Variants in SYNDIG1 observed in about 807,000 individuals in gnomAD.
SYNDIG1 encodes synapse differentiation inducing 1.
In SYNDIG1, 9 loss-of-function variants were observed where a neutral mutation model predicts 19.4. The ratio of observed to expected loss-of-function variants is 0.46; its 90% CI spans 0.28 to 0.81. SYNDIG1 has a LOEUF of 0.81. SYNDIG1 is among the 30% of genes least tolerant of loss of function. SYNDIG1 has a pLI of 0.12. For synonymous variants in SYNDIG1, 141 were observed against 145.9 expected, an observed-to-expected ratio of 0.97 and a Z score of 0.24; for missense variants, 311 against 343.3, an observed-to-expected ratio of 0.91 and a Z score of 0.74.
rs374994348 is a variant in SYNDIG1 at position 24,590,984 on chromosome 20, C to G, written c.618+5991C>G. Among the ~76,000 whole-genome samples the G allele has an allele frequency of 9.2e-5, 14 of 152,088 alleles. No homozygotes were observed. In the East Asian group the frequency reaches 2.7e-3, roughly 29 times the overall value. ...TGGATCAGCAGGCACAGCAGAGGGG[C>G]GCGGAGGGACTTGTGGGTGCTGGGG... On this transcript the variant is annotated intron_variant, in intron 3 of 3. Coordinates refer to ENST00000376862, the MANE Select transcript of SYNDIG1 (RefSeq NM_024893.3).
At chr20:24,544,347 G>A (rs2057532733) in intron 2 of SYNDIG1, among the ~76,000 whole-genome samples, 1 of 152,130 alleles carries the variant, frequency 6.6e-6, no homozygotes, top group Non-Finnish European at 1.5e-5. Context: ...GTGAGGCCAG[G>A]GGTGTTTTCC....
At chr20:24,573,153 C>T (rs565342164) in intron 2 of SYNDIG1, among the ~76,000 whole-genome samples, 1 of 152,194 alleles carries the variant, frequency 6.6e-6, no homozygotes, top group Non-Finnish European at 1.5e-5. Context: ...GTGAGAATTA[C>T]CATGCAAGCA....
At chr20:24,485,045 C>G (rs954896781) in intron 1 of SYNDIG1, among the ~76,000 whole-genome samples, 44 of 152,108 alleles carry the variant, frequency 2.9e-4, no homozygotes, top group African/African-American at 1.1e-3. Flanking sequence ...TGGTCTCTTT[C>G]CCTGCGTTTA....
At chr20:24,544,054 A>G (rs527596142) in intron 2 of SYNDIG1, among the ~76,000 whole-genome samples, 3 of 152,310 alleles carry the variant, frequency 2.0e-5, no homozygotes, top group Non-Finnish European at 4.4e-5. Context: ...ATAGAGCTGA[A>G]CCGTGCTGGA....
At chr20:24,491,032 G>A (rs1324499516) in intron 1 of SYNDIG1, among the ~76,000 whole-genome samples, 1 of 152,238 alleles carries the variant, frequency 6.6e-6, no homozygotes, top group African/African-American at 2.4e-5. Context: ...GGTTGCTGTG[G>A]CAGGTAAGGG....
chr20:24,631,696 T>A (rs2059246524), intron 3 of SYNDIG1, among the ~76,000 whole-genome samples: 1 of 152,184 alleles, frequency 6.6e-6, no homozygotes, highest in African/African-American at 2.4e-5. Flanking sequence ...ATCGGAAAAA[T>A]TTCAAAAATT....
rs150497707 is a variant in SYNDIG1 at position 24,592,793 on chromosome 20, G to A, written c.618+7800G>A. Among the ~76,000 whole-genome samples the A allele has an allele frequency of 4.5e-3, 683 of 152,168 alleles. 7 individuals carry two copies. Among genetic ancestry groups the A allele is most frequent in the African/African-American group, 0.015 (639 of 41,500 alleles). ...CACACCCAGCTAATTTCAATATTTT[G>A]TAGAGATGGGGATCTCTCTTTGTTT... On this transcript the variant is annotated intron_variant, in intron 3 of 3. Coordinates refer to ENST00000376862, the MANE Select transcript of SYNDIG1 (RefSeq NM_024893.3).
intron 2 of SYNDIG1, among the ~76,000 whole-genome samples, chr20:24,547,000 G>A (rs550397918): frequency 6.1e-4 from 93 of 152,276 alleles, no homozygotes; most frequent in African/African-American, 2.1e-3. Context: ...AAAAGCCATT[G>A]CCCTGGTTCA....
At chr20:24,564,078 C>T (rs1198469841) in intron 2 of SYNDIG1, among the ~76,000 whole-genome samples, 1 of 152,040 alleles carries the variant, frequency 6.6e-6, no homozygotes, top group Non-Finnish European at 1.5e-5. Flanking sequence ...AGTAACAAGG[C>T]CTTGAGAATT....
At chr20:24,621,047 G>A (rs1359179796) in intron 3 of SYNDIG1, among the ~76,000 whole-genome samples, 2 of 152,194 alleles carry the variant, frequency 1.3e-5, no homozygotes, top group African/African-American at 4.8e-5. Context: ...TGAATCTTCA[G>A]TGGGCAAAGT....
intron 2 of SYNDIG1, among the ~76,000 whole-genome samples, chr20:24,549,198 A>G (rs143001443): frequency 5.3e-4 from 80 of 152,254 alleles, no homozygotes; most frequent in African/African-American, 1.8e-3. Flanking sequence ...ATGTTTTAAT[A>G]CATCTCTTCC....
At chr20:24,589,299 A>C (rs949806143) in intron 3 of SYNDIG1, among the ~76,000 whole-genome samples, 1 of 152,198 alleles carries the variant, frequency 6.6e-6, no homozygotes, top group African/African-American at 2.4e-5. Context: ...CAAGGGATTT[A>C]ATAAGTAACA....
In SYNDIG1 at chr20:24,522,231, G is replaced by T. The variant is rs1392572203; in HGVS notation, c.-78-20789G>T. On this transcript the variant is annotated intron_variant, in intron 1 of 3. Coordinates refer to ENST00000376862, the MANE Select transcript of SYNDIG1 (RefSeq NM_024893.3). ...GCCTTAGTCTCCCACCTGTAGCTAG[G>T]ACTATAGGTGCATATGCCTGGCCAG... 4.6e-5 allele frequency among the ~76,000 whole-genome samples: 7 copies of T among 152,176 alleles called. No homozygotes were observed. In the East Asian group the frequency reaches 1.4e-3, roughly 30 times the overall value.
intron 2 of SYNDIG1, among the ~76,000 whole-genome samples, chr20:24,561,773 G>A (rs944205104): frequency 1.3e-5 from 2 of 152,230 alleles, no homozygotes; most frequent in African/African-American, 4.8e-5. Flanking sequence ...TAAGCGCTGG[G>A]CGTGCATTTC....
intron 3 of SYNDIG1, among the ~76,000 whole-genome samples, chr20:24,588,841 G>A (rs2058460731): frequency 1.3e-5 from 2 of 152,098 alleles, no homozygotes; most frequent in African/African-American, 4.8e-5. Context: ...AGGGTTCAGT[G>A]AGATTGAGAG....
intron 3 of SYNDIG1, among the ~76,000 whole-genome samples, chr20:24,585,319 GTGT>G (rs1280347981): frequency 2.6e-5 from 4 of 152,240 alleles, no homozygotes; most frequent in African/African-American, 9.6e-5. Context: ...TTAGGTGCTG[GTGT>G]TGTGTGTGTG....
At chr20:24,562,405 T>C (rs1055017368) in intron 2 of SYNDIG1, among the ~76,000 whole-genome samples, 1 of 152,258 alleles carries the variant, frequency 6.6e-6, no homozygotes, top group Non-Finnish European at 1.5e-5. Flanking sequence ...AATAGTAGTA[T>C]GGCATCTAAT....
chr20:24,654,173 A>G (rs1466772156), intron 3 of SYNDIG1, among the ~76,000 whole-genome samples: 1 of 152,154 alleles, frequency 6.6e-6, no homozygotes, highest in Non-Finnish European at 1.5e-5. Flanking sequence ...TATGCAGAGC[A>G]TCTGATTGGC....
chr20:24,636,465 G>A (rs1189787032), intron 3 of SYNDIG1, among the ~76,000 whole-genome samples: 1 of 152,190 alleles, frequency 6.6e-6, no homozygotes, highest in Non-Finnish European at 1.5e-5. Context: ...GGCTTGAGGA[G>A]GCAGTGTCTG....
Sources: gnomAD v4.1 joint callset for allele counts (sites outside exome capture counted in the v4.1 genomes callset) on GRCh38, gnomAD v4.1.1 for gene constraint, MANE v1.5 for transcripts, NCBI Gene and HGNC (gene_info 2026-07-23, HGNC 2026-07-21) for gene names.